The following PTH2R variants were observed in gnomAD, a reference collection of about 807,000 sequenced individuals.
PTH2R encodes the protein parathyroid hormone 2 receptor.
PTH2R carries 59 observed loss-of-function variants against 60.3 expected under a neutral mutation model. The observed-to-expected ratio is 0.98, with a 90% CI of 0.79 to 1.22. PTH2R has a LOEUF of 1.22. Among genes scored for constraint, PTH2R ranks in the 50% most tolerant of loss-of-function variants. The probability of loss-of-function intolerance (pLI) is 0.00; values close to 1 mark genes in which losing one functional copy is unlikely to be tolerated. For missense variants in PTH2R, 749 were observed against 682.6 expected, an observed-to-expected ratio of 1.10 and a Z score of -1.08; for synonymous variants, 256 against 243.8, an observed-to-expected ratio of 1.05 and a Z score of -0.47.
At chr2:208,421,734 AT>A (rs1701760388) in intron 1 of PTH2R, among the ~76,000 whole-genome samples, 1 of 152,210 alleles carries the variant, frequency 6.6e-6, no homozygotes. Context: ...TAAAATAATT[AT>A]AAGTTCATGT....
At chr2:208,442,014 TA>T (rs908405861) in intron 4 of PTH2R, among the ~76,000 whole-genome samples, 4 of 152,262 alleles carry the variant, frequency 2.6e-5, no homozygotes, top group East Asian at 1.9e-4. Context: ...AGTATGTTGA[TA>T]AAAAAGTATA....
intron 9 of PTH2R, among the ~76,000 whole-genome samples, chr2:208,473,027 G>C (rs1702919910): frequency 6.6e-6 from 1 of 152,110 alleles, no homozygotes; most frequent in African/African-American, 2.4e-5. Flanking sequence ...CCTTATGTAG[G>C]GGCACATACC....
chr2:208,422,348 C>T (rs1701773573), intron 1 of PTH2R, among the ~76,000 whole-genome samples: 1 of 152,138 alleles, frequency 6.6e-6, no homozygotes, highest in Admixed American at 6.5e-5. Context: ...GCACCCATGG[C>T]CCATCGAAGT....
chr2:208,428,450 A>C, intron 2 of PTH2R, 147 bp downstream of exon 2: 3 of 597,986 alleles, frequency 5.0e-6, no homozygotes, highest in South Asian at 4.6e-5. Flanking sequence ...GAACAACAAC[A>C]CTCTTTTCAT....
chr2:208,406,664 C>A (rs1473238724), upstream of PTH2R, among the ~76,000 whole-genome samples: 1 of 152,280 alleles, frequency 6.6e-6, no homozygotes, highest in South Asian at 2.1e-4. Context: ...CCTCCGCCCC[C>A]TGGGCTGCGG....
At chr2:208,363,398 T>C (rs541254644) in intron 1 of PTH2R, among the ~76,000 whole-genome samples, 1 of 152,336 alleles carries the variant, frequency 6.6e-6, no homozygotes, top group African/African-American at 2.4e-5. Flanking sequence ...TACCACATTT[T>C]CTTTACCCAG....
intron 9 of PTH2R, among the ~76,000 whole-genome samples, chr2:208,472,665 G>A (rs573623225): frequency 5.9e-5 from 9 of 151,832 alleles, no homozygotes; most frequent in African/African-American, 2.2e-4. Context: ...CCTTTTTTTT[G>A]TTTTCAGTCT....
chr2:208,378,877 C>T (rs983082557), intron 1 of PTH2R, among the ~76,000 whole-genome samples: 6 of 152,076 alleles, frequency 3.9e-5, no homozygotes, highest in Non-Finnish European at 7.3e-5. Context: ...ATTGGAGCCT[C>T]GGTTTACTTG....
At chr2:208,443,158 G>A (rs1272241770) in intron 5 of PTH2R, among the ~76,000 whole-genome samples, 190 bp from the exon 6 acceptor site, 1 of 152,190 alleles carries the variant, frequency 6.6e-6, no homozygotes, top group Non-Finnish European at 1.5e-5. Context: ...ATGTACATAG[G>A]TTATGTGCAA....
chr2:208,467,879 G>A (rs983148767), intron 9 of PTH2R, among the ~76,000 whole-genome samples: 4 of 152,170 alleles, frequency 2.6e-5, no homozygotes, highest in Non-Finnish European at 4.4e-5. Flanking sequence ...AGATGAGAAA[G>A]TACATACAAG....
chr2:208,470,154 T>C (rs916849971), intron 9 of PTH2R, among the ~76,000 whole-genome samples: 3 of 152,226 alleles, frequency 2.0e-5, no homozygotes, highest in African/African-American at 7.2e-5. Flanking sequence ...GCCAGTATTA[T>C]GGTGTGGAGA....
chr2:208,492,772 G>T (rs1381403568), intron 12 of PTH2R, among the ~76,000 whole-genome samples: 1 of 152,166 alleles, frequency 6.6e-6, no homozygotes, highest in East Asian at 1.9e-4. Flanking sequence ...GCAGCACTGA[G>T]CTTTCTCAGG....
At chr2:208,412,028 G>A (rs952362563) in intron 1 of PTH2R, among the ~76,000 whole-genome samples, 7 of 152,122 alleles carry the variant, frequency 4.6e-5, no homozygotes, top group African/African-American at 1.7e-4. Context: ...TTTAAATGGG[G>A]TGTGTATGTA....
intron 4 of PTH2R, among the ~76,000 whole-genome samples, chr2:208,440,760 G>A (rs1702165677): frequency 6.6e-6 from 1 of 152,218 alleles, no homozygotes; most frequent in African/African-American, 2.4e-5. Flanking sequence ...CAAGGAGTAA[G>A]CCCTAGTCTT....
At chr2:208,412,008 C>T (rs1399256013) in intron 1 of PTH2R, among the ~76,000 whole-genome samples, 2 of 152,122 alleles carry the variant, frequency 1.3e-5, no homozygotes, top group African/African-American at 4.8e-5. Context: ...AGTGAGAACT[C>T]CTGAAGGCTT....
In PTH2R at chr2:208,443,355, C is replaced by T. The variant is rs908192591; in HGVS notation, c.517C>T (p.His173Tyr). 6.4e-7 allele frequency: 1 copy of T among 1,561,668 alleles called. No homozygotes were observed. Among genetic ancestry groups the T allele is most frequent in the African/African-American group, 1.4e-5 (1 of 71,834 alleles). ...GAATATTTCTCTCCGTAGACGATTGCATTGCACTAGGAACTATATCCACAT... is the reference window on the plus strand; with the variant it reads ...GAATATTTCTCTCCGTAGACGATTGTATTGCACTAGGAACTATATCCACAT... ...ILIIGYFRRL[H>Y]CTRNYIHMHL... Residue 173 changes from histidine to tyrosine, a missense_variant, in exon 6 of 13, where the codon CAT becomes TAT. Coordinates refer to ENST00000272847, the MANE Select transcript of PTH2R (RefSeq NM_005048.4).
chr2:208,434,104 A>G (rs1014097863), intron 2 of PTH2R, among the ~76,000 whole-genome samples: 1 of 152,148 alleles, frequency 6.6e-6, no homozygotes, highest in Admixed American at 6.5e-5. Flanking sequence ...ACCTGAGGTC[A>G]GGAGTTCAAG....
At chr2:208,460,052 C>T in intron 9 of PTH2R, 91 bp downstream of exon 9, 2 of 1,084,658 alleles carry the variant, frequency 1.8e-6, no homozygotes, top group Non-Finnish European at 1.4e-6. Context: ...CTGCATTCTA[C>T]AACAGATCTG....
chr2:208,457,850 T>C (rs1308131359), intron 8 of PTH2R, among the ~76,000 whole-genome samples: 3 of 152,168 alleles, frequency 2.0e-5, no homozygotes, highest in Non-Finnish European at 2.9e-5. Context: ...GTTTTACCCT[T>C]AAGGAAAAGT....
Sources: gnomAD v4.1 joint callset for allele counts (sites outside exome capture counted in the v4.1 genomes callset) on GRCh38, gnomAD v4.1.1 for gene constraint, MANE v1.5 for transcripts, NCBI Gene and HGNC (gene_info 2026-07-23, HGNC 2026-07-21) for gene names.